The following IBTK variants were observed in gnomAD, a reference collection of about 807,000 sequenced individuals.
IBTK encodes inhibitor of Bruton tyrosine kinase, also known as BTK-binding protein.
IBTK carries 83 observed loss-of-function variants against 154.9 expected under a neutral mutation model. That is an observed-to-expected ratio of 0.54 (90% CI 0.45 to 0.64). The LOEUF (loss-of-function observed/expected upper bound fraction) is 0.64. Ranked by LOEUF, IBTK falls within the 30% of genes least tolerant of loss-of-function variation. The pLI, the probability that IBTK is intolerant of heterozygous loss-of-function variation, is 0.00. For missense variants in IBTK, 1,332 were observed against 1,584.6 expected (o/e 0.84, Z 2.71); for synonymous variants, 515 against 536.1 (o/e 0.96, Z 0.54).
intron 11 of IBTK, among the ~76,000 whole-genome samples, chr6:82,215,780 CA>C (rs59634766): frequency 0.055 from 4,470 of 81,988 alleles, 91 homozygotes; most frequent in South Asian, 0.18. Flanking sequence ...GACTCCATCT[CA>C]AAAAAAAAAA....
At chr6:82,231,867 C>G in intron 3 of IBTK, 25 bp from the exon 4 acceptor site, 1 of 1,387,476 alleles carries the variant, frequency 7.2e-7, no homozygotes, top group South Asian at 1.3e-5. Context: ...AGTTTTTATA[C>G]TTTTTTATAT....
Position 82,191,228 on chromosome 6 carries a change from A to G in IBTK, c.3432-12T>C, listed in dbSNP as rs750554442. 3 of 1,596,708 alleles carry G rather than the reference A, an allele frequency of 1.9e-6. No individual in the cohort carries two copies. The South Asian group carries it at 3.5e-5, about 18-fold the overall frequency. On this transcript the variant is annotated splice_polypyrimidine_tract_variant and intron_variant, in intron 24 of 28. Transcript: ENST00000306270. Reference sequence around the variant, plus strand: ...GAGAAACTGTTTTGCTAGAAATTAAACCAATTAGTTTCAGTGGTTTCTTCT... The same window carrying G: ...GAGAAACTGTTTTGCTAGAAATTAAGCCAATTAGTTTCAGTGGTTTCTTCT...
intron 28 of IBTK, 91 bp from the exon 29 acceptor site, chr6:82,171,647 A>G (rs1371697881): frequency 9.7e-7 from 1 of 1,028,834 alleles, no homozygotes; most frequent in Non-Finnish European, 1.5e-6. Context: ...TTGAGGAACT[A>G]TCACTTTCCA....
intron 13 of IBTK, among the ~76,000 whole-genome samples, chr6:82,212,052 T>TG (rs1769670518): frequency 6.6e-6 from 1 of 152,130 alleles, no homozygotes; most frequent in South Asian, 2.1e-4. Flanking sequence ...TGGAGTGCAA[T>TG]GGTGCAATCT....
At chr6:82,183,592 G>GT (rs982005056) in intron 25 of IBTK, among the ~76,000 whole-genome samples, 1 of 152,032 alleles carries the variant, frequency 6.6e-6, no homozygotes, top group Non-Finnish European at 1.5e-5. Flanking sequence ...ATCTCACTAG[G>GT]TTTTTTAACT....
intron 25 of IBTK, among the ~76,000 whole-genome samples, chr6:82,183,906 G>A (rs1005589484): frequency 2.0e-5 from 3 of 152,174 alleles, no homozygotes; most frequent in African/African-American, 7.2e-5. Context: ...TCACCCTGCT[G>A]GCATATGCCT....
At chr6:82,226,886 G>A (rs895226371) in intron 5 of IBTK, among the ~76,000 whole-genome samples, 22 of 152,278 alleles carry the variant, frequency 1.4e-4, no homozygotes, top group African/African-American at 4.3e-4. Context: ...GATTACAGGC[G>A]TGAGCCACTG....
chr6:82,189,987 T>C (rs1019577807), intron 25 of IBTK, among the ~76,000 whole-genome samples: 1 of 152,192 alleles, frequency 6.6e-6, no homozygotes, highest in African/African-American at 2.4e-5. Context: ...TGCCTTATCA[T>C]CAGAAACTAG....
chr6:82,183,508 C>G (rs1295385973), intron 25 of IBTK, among the ~76,000 whole-genome samples: 5 of 151,930 alleles, frequency 3.3e-5, no homozygotes, highest in Non-Finnish European at 7.4e-5. Flanking sequence ...AGACAAATAT[C>G]TTTTTTAAAA....
intron 16 of IBTK, among the ~76,000 whole-genome samples, chr6:82,209,790 G>A (rs1054219314): frequency 1.1e-4 from 17 of 152,142 alleles, no homozygotes; most frequent in African/African-American, 4.1e-4. Context: ...TTACTCTCAA[G>A]TATACAAATC....
intron 26 of IBTK, among the ~76,000 whole-genome samples, chr6:82,176,485 C>T (rs1450915500): frequency 4.2e-5 from 6 of 141,898 alleles, no homozygotes; most frequent in African/African-American, 1.6e-4. Context: ...CACGCCATTG[C>T]ACTCCATCCT....
chr6:82,233,666 A>C lies in IBTK; in HGVS notation c.418+493T>G, dbSNP rs1398571410. 2.0e-5 allele frequency among the ~76,000 whole-genome samples: 3 copies of C among 151,932 alleles called. No homozygotes were observed. In the East Asian group the frequency reaches 5.8e-4, roughly 29 times the overall value. ...CTTTAAGAAGAATAAAATTTCATTA[A>C]AATTTTCTAAGCTAAGCTGCACCTT... On this transcript the variant is annotated intron_variant, in intron 3 of 28. Coordinates refer to ENST00000306270, the MANE Select transcript of IBTK (RefSeq NM_015525.4).
intron 16 of IBTK, among the ~76,000 whole-genome samples, chr6:82,209,565 G>A (rs1337664032): frequency 6.6e-6 from 1 of 152,188 alleles, no homozygotes; most frequent in Non-Finnish European, 1.5e-5. Flanking sequence ...CTGGGGATAA[G>A]AGAGAGTGGG....
chr6:82,240,004 T>C (rs1025713668), intron 2 of IBTK, among the ~76,000 whole-genome samples, 162 bp downstream of exon 2: 7 of 152,166 alleles, frequency 4.6e-5, no homozygotes, highest in Non-Finnish European at 5.9e-5. Flanking sequence ...AGTAAAAGGA[T>C]ATATGGAGTT....
At chr6:82,210,654 G>A (rs1460516392) in intron 16 of IBTK, among the ~76,000 whole-genome samples, 160 bp downstream of exon 16, 2 of 150,980 alleles carry the variant, frequency 1.3e-5, no homozygotes, top group African/African-American at 4.9e-5. Context: ...GTAAGACCCC[G>A]GTCTCCATAA....
intron 17 of IBTK, 85 bp from the exon 18 acceptor site, chr6:82,202,730 C>T (rs542227117): frequency 2.6e-5 from 18 of 690,694 alleles, no homozygotes; most frequent in African/African-American, 1.9e-4. Context: ...TAAAGCTGTA[C>T]GATTTGAACA....
chr6:82,218,115 T>C lies in IBTK; in HGVS notation c.1271A>G (p.Asn424Ser), dbSNP rs1582232440. The change falls in exon 10 of 29, where the codon AAC becomes AGC. Residue 424 changes from asparagine to serine, a missense_variant. This residue lies in a region of IBTK where 1,134 missense variants were observed against 1,274.7 expected (regional missense o/e 0.89). Transcript: ENST00000306270. The part of the protein sequence containing the change: ...AGRVFCWRSV[N>S]SSLKQCRWAY... ...CCATCGACACTGCTTCAGAGAACTG[T>C]TGACTGATCTCCAGCAAAACACCTA... The C allele has an allele frequency of 1.3e-6, 2 of 1,575,196 alleles. No homozygotes were observed. The highest frequency in any genetic ancestry group is 2.3e-5 in the East Asian group (1 of 43,760).
At position 82,225,621 on chromosome 6, in the gene IBTK, A is replaced by T; in HGVS notation, c.681T>A (p.Asn227Lys). The T allele has an allele frequency of 6.2e-7, 1 of 1,611,796 alleles. No homozygotes were observed. Residue 227 changes from asparagine (N) to lysine (K), a missense_variant, in exon 6 of 29, where the codon AAT becomes AAA. Physicochemically the swap from Asn to Lys is moderately conservative, Grantham distance 94. Around this residue, in one of 3 missense-constraint regions of IBTK, gnomAD observed 114 missense variants for 213.7 expected, o/e 0.53. Coordinates refer to ENST00000306270, the MANE Select transcript of IBTK (RefSeq NM_015525.4). ...CTGCCACTTGGGAACAATTATGACC[A>T]TTCAGTCCTTCCACAAGCCGAGGGA... The part of the protein sequence containing the change: ...CLVPRLVEGL[N>K]GHNCSQVAAA...
intron 2 of IBTK, among the ~76,000 whole-genome samples, chr6:82,235,957 T>A (rs1770700480): frequency 1.3e-5 from 2 of 152,256 alleles, no homozygotes; most frequent in East Asian, 3.9e-4. Context: ...CACTGCAACC[T>A]CCATCTCCTG....
Sources: gnomAD v4.1 joint callset for allele counts (sites outside exome capture counted in the v4.1 genomes callset) on GRCh38, gnomAD v4.1.1 for gene constraint, gnomAD v4.1.1 regional missense constraint, MANE v1.5 for transcripts, NCBI Gene and HGNC (gene_info 2026-07-23, HGNC 2026-07-21) for gene names.